CADPS: variants seen among roughly 807,000 people sequenced by gnomAD.
CADPS encodes calcium-dependent secretion activator 1.
A neutral mutation model predicts 167.3 loss-of-function variants in CADPS; 57 were observed. The observed-to-expected ratio is 0.34, with a 90% CI of 0.28 to 0.42. The LOEUF is 0.42. CADPS is among the 20% of genes least tolerant of loss of function. The pLI is 1.00. For synonymous variants in CADPS, 676 were observed against 635.3 expected (o/e 1.06, Z -0.96); for missense variants, 1,414 against 1,738.1 (o/e 0.81, Z 3.32).
At chr3:62,794,962 A>G (rs981594004) in intron 1 of CADPS, among the ~76,000 whole-genome samples, 2 of 152,030 alleles carry the variant, frequency 1.3e-5, no homozygotes, top group South Asian at 2.1e-4. Context: ...TCTCTTTGCC[A>G]GAGCGCTATG....
At chr3:62,839,483 G>A (rs2076346370) in intron 1 of CADPS, among the ~76,000 whole-genome samples, 1 of 152,162 alleles carries the variant, frequency 6.6e-6, no homozygotes, top group South Asian at 2.1e-4. Context: ...CCCTGTAAGT[G>A]TGAAGGGCCA....
At chr3:62,470,357 A>G (rs2060442707) in intron 24 of CADPS, among the ~76,000 whole-genome samples, 1 of 152,226 alleles carries the variant, frequency 6.6e-6, no homozygotes, top group African/African-American at 2.4e-5. Context: ...CATACTCAGA[A>G]ATACAAACTA....
At chr3:62,541,793 CT>C (rs901621867) in intron 11 of CADPS, among the ~76,000 whole-genome samples, 4 of 151,798 alleles carry the variant, frequency 2.6e-5, no homozygotes, top group Admixed American at 1.3e-4. Flanking sequence ...TAGTCTTTTC[CT>C]TTTTTCCTCC....
At chr3:62,647,484 C>T (rs760125564) in intron 5 of CADPS, among the ~76,000 whole-genome samples, 3 of 152,110 alleles carry the variant, frequency 2.0e-5, no homozygotes, top group Admixed American at 6.5e-5. Flanking sequence ...ACCCAGAAGC[C>T]ATACTTTCAA....
intron 3 of CADPS, among the ~76,000 whole-genome samples, chr3:62,682,261 A>AT (rs1353202309): frequency 6.6e-5 from 10 of 152,050 alleles, no homozygotes; most frequent in African/African-American, 9.6e-5. Context: ...TGCAGGAGCT[A>AT]TTTTTTTCAC....
At position 62,420,923 on chromosome 3, in the gene CADPS, C is replaced by T. The variant is rs1385154699; in HGVS notation, c.3777+17181G>A. Among the ~76,000 whole-genome samples the T allele has an allele frequency of 6.7e-6, 1 of 149,004 alleles. No individual in the cohort carries two copies. Among genetic ancestry groups the T allele is most frequent in the East Asian group, 2.0e-4 (1 of 5,060 alleles). On this transcript the variant is annotated intron_variant, in intron 28 of 29. Coordinates refer to ENST00000383710, the MANE Select transcript of CADPS (RefSeq NM_003716.4). This position sits in a 1 kb window ranked among gnomAD's most constrained non-coding sequence, Gnocchi z 4.1. Reference sequence around the variant, plus strand: ...ACACAGGCACACACACACACACTTGCCAGATCACTTACCCAAACCTTACCC... The same window carrying T: ...ACACAGGCACACACACACACACTTGTCAGATCACTTACCCAAACCTTACCC...
At chr3:62,555,214 C>T (rs1346116478) in intron 10 of CADPS, among the ~76,000 whole-genome samples, 1 of 152,154 alleles carries the variant, frequency 6.6e-6, no homozygotes, top group Non-Finnish European at 1.5e-5. Context: ...AATTGATTTA[C>T]ATTTTACATC....
intron 1 of CADPS, among the ~76,000 whole-genome samples, chr3:62,852,846 T>G (rs2153113187): frequency 6.6e-6 from 1 of 152,332 alleles, no homozygotes; most frequent in African/African-American, 2.4e-5. Context: ...AGTTATCTAT[T>G]TACATGTCTA....
intron 8 of CADPS, among the ~76,000 whole-genome samples, chr3:62,584,005 C>CTTT (rs34234122): frequency 2.4e-5 from 3 of 123,342 alleles, no homozygotes; most frequent in African/African-American, 6.0e-5. Flanking sequence ...ACCCAATCCT[C>CTTT]TTTTTTTTTT....
chr3:62,649,427 A>G (rs746805145), intron 5 of CADPS, among the ~76,000 whole-genome samples: 1 of 151,944 alleles, frequency 6.6e-6, no homozygotes, highest in Non-Finnish European at 1.5e-5. Context: ...AGTTTTCCTA[A>G]CAAGATTTCT....
At position 62,700,607 on chromosome 3, in the gene CADPS, T is replaced by C. The variant is rs189806059; in HGVS notation, c.889-38213A>G. On this transcript the variant is annotated intron_variant, in intron 3 of 29. Coordinates refer to ENST00000383710, the MANE Select transcript of CADPS (RefSeq NM_003716.4). ...ATTGGTGACATTAAAGTGAGAACTC[T>C]AGAGCTGACACCCTAACCTCTGTTT... Among the ~76,000 whole-genome samples, 11 of 152,240 alleles carry C rather than the reference T, an allele frequency of 7.2e-5. No homozygotes were observed. In the East Asian group the frequency reaches 2.1e-3, roughly 29 times the overall value.
intron 1 of CADPS, among the ~76,000 whole-genome samples, chr3:62,785,232 T>G (rs1482998082): frequency 6.6e-6 from 1 of 152,138 alleles, no homozygotes; most frequent in South Asian, 2.1e-4. Flanking sequence ...TTTTAAAAGT[T>G]AGTGAGTGAT....
intron 3 of CADPS, among the ~76,000 whole-genome samples, chr3:62,720,341 G>GTTTT (rs754850648): frequency 5.7e-4 from 84 of 146,428 alleles, no homozygotes; most frequent in African/African-American, 9.3e-4. Context: ...TTGTTTGTTT[G>GTTTT]TTTTTTTTTG....
chr3:62,875,213 G>T lies in CADPS; in HGVS notation c.-184C>A. The T allele has an allele frequency of 1.4e-6, 1 of 736,310 alleles. No individual in the cohort carries two copies. The highest frequency in any genetic ancestry group is 1.9e-6 in the Non-Finnish European group (1 of 536,044). 45.6% of individuals were successfully genotyped at this position (736,310 alleles called of 1,614,324 possible). On this transcript the variant is annotated 5_prime_UTR_variant, in exon 1 of 30. Coordinates refer to ENST00000383710, the MANE Select transcript of CADPS (RefSeq NM_003716.4). ...CCTCTGCCCGGCGGTCGCGAGCTGG[G>T]CTCAGACCCAGAAGCGCGAAGGGAG... is the stretch of plus-strand genomic sequence containing the variant.
intron 26 of CADPS, among the ~76,000 whole-genome samples, chr3:62,451,172 A>G (rs1337762174): frequency 6.6e-6 from 1 of 151,886 alleles, no homozygotes; most frequent in Non-Finnish European, 1.5e-5. Flanking sequence ...TCGACCCTCC[A>G]CCTCACTTAG....
At position 62,544,946 on chromosome 3, in the gene CADPS, C is replaced by A; in HGVS notation, c.1966+4957G>T. On this transcript the variant is annotated intron_variant, in intron 11 of 29. Transcript: ENST00000383710. This position sits in a 1 kb window ranked among gnomAD's most constrained non-coding sequence, Gnocchi z 4.4. ...CAGGAAAGCAGACAGGAGTTCTAAC[C>A]TAGCAGCCTAAGTTCTTGGGTTCGA... The A allele has an allele frequency of 1.4e-6, 1 of 721,770 alleles. No individual in the cohort carries two copies. Among genetic ancestry groups the A allele is most frequent in the Non-Finnish European group, 1.9e-6 (1 of 538,474 alleles). The allele number at this position is 721,770 out of a possible 1,614,324, so 44.7% of individuals were successfully genotyped here.
intron 1 of CADPS, among the ~76,000 whole-genome samples, chr3:62,838,710 G>A (rs1333380678): frequency 1.3e-5 from 2 of 152,098 alleles, no homozygotes; most frequent in African/African-American, 4.8e-5. Context: ...ATATTTCTAA[G>A]GCACTTAGAA....
intron 9 of CADPS, among the ~76,000 whole-genome samples, chr3:62,565,555 C>T (rs1344530353): frequency 6.6e-6 from 1 of 152,116 alleles, no homozygotes; most frequent in Admixed American, 6.5e-5. Flanking sequence ...CTGGATGGCA[C>T]CTTGGGGTCT....
At chr3:62,814,240 A>C (rs191292465) in intron 1 of CADPS, 1 of 152,246 alleles carries the variant, frequency 6.6e-6, no homozygotes, top group Non-Finnish European at 1.5e-5. Context: ...ATCTAAAAAC[A>C]CAGTAAAAAT....
Sources: gnomAD v4.1 joint callset for allele counts (sites outside exome capture counted in the v4.1 genomes callset) on GRCh38, gnomAD v4.1.1 for gene constraint, Gnocchi (gnomAD v3.1) non-coding constraint, MANE v1.5 for transcripts, NCBI Gene and HGNC (gene_info 2026-07-23, HGNC 2026-07-21) for gene names.